Variants in CSPP1 observed in about 807,000 individuals in gnomAD.
CSPP1 encodes centrosome and spindle pole-associated protein 1.
CSPP1 carries 126 observed loss-of-function variants against 164.4 expected under a neutral mutation model. The ratio of observed to expected loss-of-function variants is 0.77; its 90% confidence interval spans 0.66 to 0.89. The LOEUF is 0.89. Among genes scored for constraint, CSPP1 ranks in the 40% least tolerant of loss-of-function variants. CSPP1 has a pLI of 0.00. For synonymous variants in CSPP1, 472 were observed against 476.7 expected, an observed-to-expected ratio of 0.99 and a Z score of 0.13; for missense variants, 1,395 against 1,449.8, an observed-to-expected ratio of 0.96 and a Z score of 0.61.
chr8:67,150,089 C>T (rs1825421637), intron 18 of CSPP1, among the ~76,000 whole-genome samples, 154 bp downstream of exon 18: 1 of 149,642 alleles, frequency 6.7e-6, no homozygotes, highest in Admixed American at 6.8e-5. Flanking sequence ...AGTGCCTTTT[C>T]TTCATAGTTA....
intron 5 of CSPP1, 102 bp from the exon 6 acceptor site, chr8:67,093,441 T>G: frequency 1.5e-6 from 1 of 672,286 alleles, no homozygotes. Context: ...TGGGTAAGAG[T>G]TCTGATATGT....
In CSPP1 at chr8:67,164,481, T is replaced by C. The variant is rs758705033; in HGVS notation, c.2801T>C (p.Met934Thr). 1 of 1,577,472 alleles carries C rather than the reference T, an allele frequency of 6.3e-7. No individual in the cohort carries two copies. The highest frequency in any genetic ancestry group is 8.7e-7 in the Non-Finnish European group (1 of 1,147,504). The change falls in exon 24 of 31, where the codon ATG becomes ACG. Residue 934 changes from methionine to threonine, a missense_variant. Physicochemically the swap from Met to Thr is moderately conservative, Grantham distance 81. Coordinates refer to ENST00000678616, the MANE Select transcript of CSPP1 (RefSeq NM_001382391.1). ...CGTCTACAAGAGCGATTGCTACACATGGACAGTGATGATGAAATTCCTATC... is the reference window on the plus strand; with the variant it reads ...CGTCTACAAGAGCGATTGCTACACACGGACAGTGATGATGAAATTCCTATC... ...ERRLQERLLH[M>T]DSDDEIPIRK...
chr8:67,193,720 T>C (rs773423351), intron 30 of CSPP1, 118 bp downstream of exon 30: 7 of 830,742 alleles, frequency 8.4e-6, no homozygotes, highest in African/African-American at 3.4e-5. Context: ...GACCTTTGAG[T>C]TGTATGGCCC....
intron 24 of CSPP1, among the ~76,000 whole-genome samples, chr8:67,170,406 A>G (rs1830251549): frequency 6.6e-6 from 1 of 152,112 alleles, no homozygotes; most frequent in African/African-American, 2.4e-5. Flanking sequence ...CAGTGAGCTG[A>G]GATTGTGCCA....
At chr8:67,079,370 C>T (rs1808652384) in intron 3 of CSPP1, among the ~76,000 whole-genome samples, 1 of 152,228 alleles carries the variant, frequency 6.6e-6, no homozygotes, top group African/African-American at 2.4e-5. Flanking sequence ...TCTCACTGAG[C>T]TGGCTGCCTA....
intron 28 of CSPP1, among the ~76,000 whole-genome samples, chr8:67,181,230 G>A (rs1832943911): frequency 6.6e-6 from 1 of 150,994 alleles, no homozygotes; most frequent in African/African-American, 2.4e-5. Context: ...TAGAGATGAG[G>A]TCTCCCTATG....
At chr8:67,163,503 TC>T (rs1183778780) in intron 22 of CSPP1, among the ~76,000 whole-genome samples, 4 of 152,010 alleles carry the variant, frequency 2.6e-5, no homozygotes, top group African/African-American at 9.7e-5. Context: ...CAAGGACACT[TC>T]CATCGTGATG....
chr8:67,117,964 T>G (rs1365454210), intron 13 of CSPP1, among the ~76,000 whole-genome samples: 1 of 152,206 alleles, frequency 6.6e-6, no homozygotes, highest in Non-Finnish European at 1.5e-5. Flanking sequence ...GGGACCATGT[T>G]TGTCTTTATT....
Position 67,113,871 on chromosome 8 carries a change from TTC to T in CSPP1, c.1245+11_1245+12del. On this transcript the variant is annotated intron_variant, in intron 11 of 30. Transcript: ENST00000678616. ...AAGACCCTGAGAAATCGGTAAGGGT[TTC>T]TGGCATCTTTTAATGTTTAATCTTT... 1 of 1,533,034 alleles carries T rather than the reference TTC, an allele frequency of 6.5e-7. No homozygotes were observed. The highest frequency in any genetic ancestry group is 1.8e-5 in the Admixed American group (1 of 56,630). The allele number at this position is 1,533,034 out of a possible 1,614,324, so 95.0% of individuals were successfully genotyped here. A position where few individuals can be genotyped will look rare whatever the true frequency, so the allele number is the denominator to read the frequency against.
At chr8:67,102,708 G>A (rs143659048) in intron 7 of CSPP1, among the ~76,000 whole-genome samples, 5 of 152,264 alleles carry the variant, frequency 3.3e-5, no homozygotes, top group South Asian at 2.1e-4. Context: ...GACTGTGTCC[G>A]AATACCCAGT....
chr8:67,111,878 G>C lies in CSPP1; in HGVS notation c.1094-94G>C, dbSNP rs138231396. 3.7e-4 allele frequency: 237 copies of C among 646,994 alleles called. 1 individual carries two copies. In the African/African-American group the frequency reaches 3.7e-3, roughly 10 times the overall value. The allele number at this position is 646,994 out of a possible 1,614,324, so 40.1% of individuals were successfully genotyped here. ...ATTTCTTGCATATTAGTAATTATAT[G>C]ATACAATTAAGATGGAGTTTTTAAG... On this transcript the variant is annotated intron_variant, in intron 9 of 30. Coordinates refer to ENST00000678616, the MANE Select transcript of CSPP1 (RefSeq NM_001382391.1).
intron 28 of CSPP1, among the ~76,000 whole-genome samples, chr8:67,180,336 A>G (rs187430298): frequency 6.6e-5 from 10 of 152,358 alleles, no homozygotes; most frequent in Non-Finnish European, 1.3e-4. Context: ...GACAATCCCA[A>G]TAAGTTACAT....
At chr8:67,110,080 A>G (rs1816529929) in intron 9 of CSPP1, among the ~76,000 whole-genome samples, 1 of 151,806 alleles carries the variant, frequency 6.6e-6, no homozygotes, top group African/African-American at 2.4e-5. Flanking sequence ...TGGGGTGGAA[A>G]CTTTTTCCTG....
chr8:67,181,545 C>G (rs1036355298), intron 28 of CSPP1, among the ~76,000 whole-genome samples: 1 of 151,916 alleles, frequency 6.6e-6, no homozygotes, highest in African/African-American at 2.4e-5. Context: ...AAAGATACAG[C>G]AGTATTTATG....
intron 18 of CSPP1, among the ~76,000 whole-genome samples, chr8:67,152,476 A>T (rs181323612): frequency 6.6e-6 from 1 of 152,322 alleles, no homozygotes; most frequent in Admixed American, 6.5e-5. Context: ...TTGGCTTATT[A>T]TCATGCCAAG....
intron 26 of CSPP1, among the ~76,000 whole-genome samples, chr8:67,177,278 A>G (rs1252909676): frequency 6.6e-6 from 1 of 152,122 alleles, no homozygotes. Context: ...CTGATCCAAG[A>G]TCTTTGCCTC....
chr8:67,155,230 C>T (rs1401238097), intron 19 of CSPP1, among the ~76,000 whole-genome samples: 1 of 152,198 alleles, frequency 6.6e-6, no homozygotes, highest in African/African-American at 2.4e-5. Flanking sequence ...CCCCTTCACA[C>T]TCACACTTAG....
At chr8:67,104,000 T>A (rs916752175) in intron 8 of CSPP1, among the ~76,000 whole-genome samples, 1 of 152,180 alleles carries the variant, frequency 6.6e-6, no homozygotes, top group Admixed American at 6.5e-5. Context: ...GGAAATTGTA[T>A]GTATTTTATA....
rs1465446692 is a variant in CSPP1 at position 67,149,952 on chromosome 8, T to C, written c.2128+17T>C. On this transcript the variant is annotated intron_variant, in intron 18 of 30. Coordinates refer to ENST00000678616, the MANE Select transcript of CSPP1 (RefSeq NM_001382391.1). ...AAAGCTCAGGTTTTTAATCACTTTT[T>C]TTTTTTTTTTTTTTTTTTTACATTT... is the stretch of plus-strand genomic sequence containing the variant. 3.1e-6 allele frequency: 4 copies of C among 1,304,156 alleles called. No homozygotes were observed. Among genetic ancestry groups the C allele is most frequent in the Non-Finnish European group, 3.0e-6 (3 of 986,308 alleles). The allele number at this position is 1,304,156 out of a possible 1,614,324, so 80.8% of individuals were successfully genotyped here. A position where few individuals can be genotyped will look rare whatever the true frequency, so the allele number is the denominator to read the frequency against.
Sources: gnomAD v4.1 joint callset for allele counts (sites outside exome capture counted in the v4.1 genomes callset) on GRCh38, gnomAD v4.1.1 for gene constraint, MANE v1.5 for transcripts, NCBI Gene and HGNC (gene_info 2026-07-23, HGNC 2026-07-21) for gene names.